The following SPOCK3 variants were observed in gnomAD, a reference collection of about 807,000 sequenced individuals.
SPOCK3 encodes the protein SPARC (osteonectin), cwcv and kazal like domains proteoglycan 3.
SPOCK3 carries 30 observed loss-of-function variants against 56.6 expected under a neutral mutation model. That is an observed-to-expected ratio of 0.53 (90% CI 0.40 to 0.72). The LOEUF is 0.72. Among genes scored for constraint, SPOCK3 ranks in the 30% least tolerant of loss-of-function variants. The probability of loss-of-function intolerance (pLI) is 0.00; values close to 1 mark genes in which losing one functional copy is unlikely to be tolerated. For synonymous variants in SPOCK3, 196 were observed against 183.3 expected (o/e 1.07, Z -0.56); for missense variants, 527 against 530.0 (o/e 0.99, Z 0.06).
chr4:167,203,139 A>C (rs1733681719), intron 2 of SPOCK3, among the ~76,000 whole-genome samples: 1 of 151,990 alleles, frequency 6.6e-6, no homozygotes, highest in Admixed American at 6.6e-5. Context: ...TTTTGTGTTT[A>C]CTGTTATAAT....
chr4:166,895,093 T>C (rs1229186050), intron 5 of SPOCK3, among the ~76,000 whole-genome samples: 1 of 152,130 alleles, frequency 6.6e-6, no homozygotes, highest in Admixed American at 6.6e-5. Context: ...TCAAAATTCT[T>C]GTTTGAATTA....
At chr4:167,142,416 A>G (rs1266087308) in intron 2 of SPOCK3, among the ~76,000 whole-genome samples, 2 of 151,992 alleles carry the variant, frequency 1.3e-5, no homozygotes, top group Non-Finnish European at 2.9e-5. Context: ...TTCCTATTAA[A>G]GTAGTAAATC....
chr4:166,840,556 A>G (rs567710578), intron 6 of SPOCK3, among the ~76,000 whole-genome samples: 20 of 152,034 alleles, frequency 1.3e-4, no homozygotes, highest in Non-Finnish European at 2.5e-4. Context: ...CTAGTTTGTC[A>G]GCTCCAAGTC....
chr4:167,183,183 C>A (rs1272077985), intron 2 of SPOCK3, among the ~76,000 whole-genome samples: 1 of 152,048 alleles, frequency 6.6e-6, no homozygotes, highest in African/African-American at 2.4e-5. Flanking sequence ...AGCCAGAAAA[C>A]CCTAATGAAA....
chr4:166,797,947 G>A (rs957887289), intron 6 of SPOCK3, among the ~76,000 whole-genome samples: 3 of 151,752 alleles, frequency 2.0e-5, no homozygotes, highest in Admixed American at 1.3e-4. Context: ...ACAATGTTTC[G>A]GGCAACAAAG....
intron 4 of SPOCK3, among the ~76,000 whole-genome samples, chr4:166,989,656 G>A (rs879558463): frequency 1.3e-5 from 2 of 152,044 alleles, no homozygotes; most frequent in Non-Finnish European, 2.9e-5. Flanking sequence ...CAATGAAAAA[G>A]TTGATGAGAT....
chr4:166,769,458 AC>A (rs1440954766), intron 7 of SPOCK3, among the ~76,000 whole-genome samples: 1 of 152,138 alleles, frequency 6.6e-6, no homozygotes, highest in African/African-American at 2.4e-5. Context: ...TCCACTCCAG[AC>A]CCTGTTTGCC....
At chr4:167,160,718 G>A (rs1039790531) in intron 2 of SPOCK3, among the ~76,000 whole-genome samples, 3 of 152,080 alleles carry the variant, frequency 2.0e-5, no homozygotes, top group African/African-American at 7.2e-5. Flanking sequence ...ACAGAACAGA[G>A]CCCTCAGAAA....
chr4:167,144,429 G>T (rs74976818), intron 2 of SPOCK3, among the ~76,000 whole-genome samples: 1 of 151,606 alleles, frequency 6.6e-6, no homozygotes, highest in East Asian at 1.9e-4. Context: ...AAACATAGCC[G>T]CTCAATGCTG....
rs554958305 is a variant in SPOCK3, at chr4:166,840,382, T to C, written c.590-48093A>G. The stretch of plus-strand genomic sequence containing the variant: ...CGTCTACATTATTTTTAAAATCTTA[T>C]TTAGATGCAAGAGAGCAATTATTGT... On this transcript the variant is annotated intron_variant, in intron 6 of 10. Coordinates refer to ENST00000357545, the MANE Select transcript of SPOCK3 (RefSeq NM_001040159.2). Among the ~76,000 whole-genome samples the C allele has an allele frequency of 5.3e-5, 8 of 152,328 alleles. No individual in the cohort carries two copies. In the South Asian group the frequency reaches 1.7e-3, roughly 32 times the overall value.
chr4:167,231,066 G>A (rs1471716438), intron 2 of SPOCK3, among the ~76,000 whole-genome samples: 2 of 151,836 alleles, frequency 1.3e-5, no homozygotes, highest in Non-Finnish European at 2.9e-5. Context: ...CTACTCTCTC[G>A]TAACTCTATC....
chr4:167,119,904 G>A lies in SPOCK3; in HGVS notation c.190-57367C>T, dbSNP rs1442467255. ...TGCCCCAAAGGTTTCAACCAAAAAA[G>A]AAAAAAGGAAAGAAAGAAAGAAAAG... is the stretch of plus-strand genomic sequence containing the variant. On this transcript the variant is annotated intron_variant, in intron 2 of 10. Coordinates refer to ENST00000357545, the MANE Select transcript of SPOCK3 (RefSeq NM_001040159.2). 8.7e-6 allele frequency: 12 copies of A among 1,375,602 alleles called. No homozygotes were observed. The Admixed American group carries it at 1.1e-4, about 13-fold the overall frequency. 85.2% of individuals were successfully genotyped at this position (1,375,602 alleles called of 1,614,324 possible).
At chr4:166,749,601 C>T (rs909305146) in intron 8 of SPOCK3, among the ~76,000 whole-genome samples, 6 of 151,152 alleles carry the variant, frequency 4.0e-5, no homozygotes, top group South Asian at 2.1e-4. Flanking sequence ...CAAACCTGCA[C>T]GTTGTGCACA....
intron 2 of SPOCK3, among the ~76,000 whole-genome samples, chr4:167,087,681 G>T (rs890059353): frequency 2.6e-5 from 4 of 152,078 alleles, no homozygotes; most frequent in African/African-American, 9.7e-5. Flanking sequence ...TAAAGTTATT[G>T]AATTTATTTC....
At chr4:167,010,820 T>TG (rs144260788) in intron 3 of SPOCK3, among the ~76,000 whole-genome samples, 8,041 of 151,752 alleles carry the variant, frequency 0.053, 692 homozygotes, top group African/African-American at 0.18. Context: ...TAATTTCCAG[T>TG]GGGGGGGAGA....
intron 3 of SPOCK3, among the ~76,000 whole-genome samples, chr4:167,056,145 C>CA: frequency 6.6e-6 from 1 of 152,274 alleles, no homozygotes; most frequent in East Asian, 1.9e-4. Flanking sequence ...TCGCGGTTCA[C>CA]AAAAATCCGC....
At chr4:166,936,589 T>C (rs1002894196) in intron 4 of SPOCK3, among the ~76,000 whole-genome samples, 3 of 152,086 alleles carry the variant, frequency 2.0e-5, no homozygotes, top group African/African-American at 7.2e-5. Context: ...CCATATTTGA[T>C]AGGAGATTTG....
chr4:166,838,613 T>C (rs1346329384), intron 6 of SPOCK3, among the ~76,000 whole-genome samples: 1 of 150,346 alleles, frequency 6.7e-6, no homozygotes, highest in Non-Finnish European at 1.5e-5. Flanking sequence ...GTTTCAAGTA[T>C]GTTCATACTT....
At chr4:167,087,409 A>T (rs370165395) in intron 2 of SPOCK3, among the ~76,000 whole-genome samples, 2 of 152,226 alleles carry the variant, frequency 1.3e-5, no homozygotes, top group South Asian at 4.1e-4. Context: ...GAACGCAATT[A>T]TTCTGACATT....
Sources: allele counts gnomAD v4.1 joint callset (sites outside exome capture counted in the v4.1 genomes callset), GRCh38; gene constraint gnomAD v4.1.1; transcripts MANE v1.5; gene names NCBI Gene and HGNC (gene_info 2026-07-23, HGNC 2026-07-21).